TFAP2D: variants seen among roughly 807,000 people sequenced by gnomAD.
TFAP2D encodes the protein transcription factor AP-2-delta.
In TFAP2D, 9 loss-of-function variants were observed where a neutral mutation model predicts 43.6. That is an observed-to-expected ratio of 0.21 (90% CI 0.12 to 0.36). The LOEUF is 0.36. Ranked by LOEUF, TFAP2D falls within the 10% of genes least tolerant of loss-of-function variation. The pLI is 1.00. For missense variants in TFAP2D, 513 were observed against 561.4 expected, an observed-to-expected ratio of 0.91 and a Z score of 0.87; for synonymous variants, 256 against 224.9, an observed-to-expected ratio of 1.14 and a Z score of -1.24.
chr6:50,741,138 C>T (rs1320984342), intron 5 of TFAP2D, among the ~76,000 whole-genome samples: 1 of 151,786 alleles, frequency 6.6e-6, no homozygotes, highest in African/African-American at 2.4e-5. Flanking sequence ...ATAAGTATTA[C>T]TATTGAAAAG....
At chr6:50,722,400 G>A (rs960062941) in intron 3 of TFAP2D, among the ~76,000 whole-genome samples, 2 of 152,036 alleles carry the variant, frequency 1.3e-5, no homozygotes, top group Admixed American at 6.5e-5. Flanking sequence ...CTTTGCCTTC[G>A]TTGAATATTC....
intron 5 of TFAP2D, among the ~76,000 whole-genome samples, chr6:50,742,635 A>AGATAGAT (rs1561936941): frequency 2.0e-5 from 3 of 146,938 alleles, no homozygotes; most frequent in Non-Finnish European, 4.6e-5. Context: ...GATAGATGAT[A>AGATAGAT]GATAGATAGA....
chr6:50,765,956 T>C (rs1662029217), intron 7 of TFAP2D, among the ~76,000 whole-genome samples: 1 of 152,202 alleles, frequency 6.6e-6, no homozygotes, highest in Admixed American at 6.5e-5. Context: ...ATGCCAAAAA[T>C]ATTTTTCCTT....
rs1769133849 is a variant in TFAP2D at position 50,746,969 on chromosome 6, G to T, written c.1025+1721G>T. Among the ~76,000 whole-genome samples, 3 of 152,134 alleles carry T rather than the reference G, an allele frequency of 2.0e-5. No individual in the cohort carries two copies. In the South Asian group the frequency reaches 6.2e-4, roughly 31 times the overall value. On this transcript the variant is annotated intron_variant, in intron 6 of 7. Transcript: ENST00000008391. Reference sequence around the variant, plus strand: ...AAACAAGATTAAGAGGAAGGGAATAGCAGAAAGAGAGTATGAAGATCAAGA... The same window carrying T: ...AAACAAGATTAAGAGGAAGGGAATATCAGAAAGAGAGTATGAAGATCAAGA...
At chr6:50,751,499 A>AT (rs902755681) in intron 7 of TFAP2D, among the ~76,000 whole-genome samples, 175 bp downstream of exon 7, 1 of 151,898 alleles carries the variant, frequency 6.6e-6, no homozygotes, top group African/African-American at 2.4e-5. Context: ...ACAGAAATAT[A>AT]TTTTTTACAG....
At chr6:50,729,933 C>G (rs1326552519) in intron 5 of TFAP2D, among the ~76,000 whole-genome samples, 1 of 152,016 alleles carries the variant, frequency 6.6e-6, no homozygotes, top group Non-Finnish European at 1.5e-5. Context: ...TCCTTTTTTT[C>G]TCCTATTAAG....
At chr6:50,771,408 G>A (rs1769526638) in intron 7 of TFAP2D, among the ~76,000 whole-genome samples, 1 of 152,180 alleles carries the variant, frequency 6.6e-6, no homozygotes, top group Non-Finnish European at 1.5e-5. Context: ...AAGAAGCTTG[G>A]AAATGTAGTC....
In TFAP2D at chr6:50,772,830, C is replaced by T. The variant is rs745569198; in HGVS notation, c.1325C>T (p.Ala442Val). 1.1e-5 allele frequency: 17 copies of T among 1,613,634 alleles called. No homozygotes were observed. The highest frequency in any genetic ancestry group is 1.3e-5 in the Non-Finnish European group (15 of 1,179,886). ...CCCCTGCGGAAAACTTCAGAGGCTG[C>T]CGTGAAAGAGGGCAAAACAGAAAAG... Reference protein sequence around the residue: ...KAPLRKTSEAAVKEGKTEKTD With the variant: ...KAPLRKTSEAVVKEGKTEKTD Residue 442 changes from alanine to valine, a missense_variant, in exon 8 of 8, where the codon GCC (alanine) becomes GTC (valine). By Grantham distance (64) the Ala-to-Val change is moderately conservative. This residue lies in a region of TFAP2D where 199 missense variants were observed against 227.9 expected (regional missense o/e 0.87). Coordinates refer to ENST00000008391, the MANE Select transcript of TFAP2D (RefSeq NM_172238.4).
intron 3 of TFAP2D, among the ~76,000 whole-genome samples, chr6:50,723,067 T>C (rs934592789): frequency 3.3e-5 from 5 of 152,234 alleles, no homozygotes; most frequent in African/African-American, 1.2e-4. Context: ...TAATATGATC[T>C]GAACTCTGCA....
intron 7 of TFAP2D, among the ~76,000 whole-genome samples, chr6:50,762,318 C>A (rs928572448): frequency 1.2e-4 from 18 of 151,898 alleles, no homozygotes; most frequent in African/African-American, 3.9e-4. Flanking sequence ...GAAGAAGATG[C>A]CATTTTACAA....
intron 5 of TFAP2D, among the ~76,000 whole-genome samples, chr6:50,739,262 C>A (rs1026940105): frequency 6.6e-6 from 1 of 152,124 alleles, no homozygotes; most frequent in African/African-American, 2.4e-5. Context: ...TGATGTTCCC[C>A]ACCCTGTGTC....
intron 6 of TFAP2D, among the ~76,000 whole-genome samples, chr6:50,748,677 G>A (rs533520075): frequency 6.6e-6 from 1 of 151,984 alleles, no homozygotes; most frequent in African/African-American, 2.4e-5. Context: ...TTCTAAAAAT[G>A]AATCAGACAA....
chr6:50,724,547 A>C (rs936650470), intron 3 of TFAP2D, among the ~76,000 whole-genome samples: 4 of 151,980 alleles, frequency 2.6e-5, no homozygotes, highest in African/African-American at 7.2e-5. Context: ...AGCGCGCGGG[A>C]CCTCTCGCCA....
At chr6:50,719,557 C>CTGGT (rs1471559819) in intron 3 of TFAP2D, among the ~76,000 whole-genome samples, 2 of 152,220 alleles carry the variant, frequency 1.3e-5, no homozygotes, top group African/African-American at 2.4e-5. Flanking sequence ...AGCAGAATTT[C>CTGGT]TGGTCTTTTT....
At chr6:50,721,172 A>G (rs1355887005) in intron 3 of TFAP2D, among the ~76,000 whole-genome samples, 2 of 152,220 alleles carry the variant, frequency 1.3e-5, no homozygotes, top group African/African-American at 4.8e-5. Context: ...TTCGGTCCCT[A>G]TTCGTTTCAA....
chr6:50,730,455 G>A (rs747712894), intron 5 of TFAP2D, among the ~76,000 whole-genome samples: 3 of 151,976 alleles, frequency 2.0e-5, no homozygotes, highest in African/African-American at 7.2e-5. Flanking sequence ...ACTAAAGGCT[G>A]GCATATGGTA....
At chr6:50,751,915 T>TGA (rs1769206408) in intron 7 of TFAP2D, among the ~76,000 whole-genome samples, 1 of 152,006 alleles carries the variant, frequency 6.6e-6, no homozygotes, top group South Asian at 2.1e-4. Context: ...AGGAAATCAT[T>TGA]ACTTTACAAA....
chr6:50,771,572 T>C (rs1460723204), intron 7 of TFAP2D, among the ~76,000 whole-genome samples: 1 of 152,242 alleles, frequency 6.6e-6, no homozygotes, highest in East Asian at 1.9e-4. Context: ...AAGCAAGATG[T>C]TTCCACACAT....
intron 6 of TFAP2D, 61 bp from the exon 7 acceptor site, chr6:50,751,150 T>C: frequency 1.7e-6 from 2 of 1,157,190 alleles, no homozygotes; most frequent in Non-Finnish European, 2.5e-6. Flanking sequence ...TTAAATATCA[T>C]GGGATGAAAT....
Sources: allele counts gnomAD v4.1 joint callset (sites outside exome capture counted in the v4.1 genomes callset), GRCh38; gene constraint gnomAD v4.1.1; regional missense constraint gnomAD v4.1.1; transcripts MANE v1.5; gene names NCBI Gene and HGNC (gene_info 2026-07-23, HGNC 2026-07-21).